Variants in NTSR1 observed in about 807,000 individuals in gnomAD.
NTSR1 encodes neurotensin receptor type 1.
A neutral mutation model predicts 31.2 loss-of-function variants in NTSR1; 29 were observed. The ratio of observed to expected loss-of-function variants is 0.93; its 90% confidence interval spans 0.69 to 1.27. NTSR1 has a LOEUF of 1.27. Among genes scored for constraint, NTSR1 ranks in the 50% most tolerant of loss-of-function variants. NTSR1 has a pLI of 0.00. For missense variants in NTSR1, 697 were observed against 595.4 expected (o/e 1.17, Z -1.78); for synonymous variants, 282 against 269.9 (o/e 1.04, Z -0.44).
At chr20:62,724,766 C>G (rs928250548) in intron 1 of NTSR1, among the ~76,000 whole-genome samples, 1 of 152,230 alleles carries the variant, frequency 6.6e-6, no homozygotes, top group Non-Finnish European at 1.5e-5. Flanking sequence ...CAGGCCCACA[C>G]TCCGCGGAGG....
intron 1 of NTSR1, among the ~76,000 whole-genome samples, chr20:62,747,254 C>T (rs6062528): frequency 6.6e-6 from 1 of 152,086 alleles, no homozygotes; most frequent in Non-Finnish European, 1.5e-5. Context: ...ATAAAGGCCA[C>T]GTATGACAGA....
rs904228109 is a variant in NTSR1, at chr20:62,733,758, G to C, written c.715-20927G>C. ...AGGAGAGAGAGACACAGAGAGAAAGGGAGGAACAGAGGAGAGAGAGGGGAG... is the reference window on the plus strand; with the variant it reads ...AGGAGAGAGAGACACAGAGAGAAAGCGAGGAACAGAGGAGAGAGAGGGGAG... On this transcript the variant is annotated intron_variant, in intron 1 of 3. Coordinates refer to ENST00000370501, the MANE Select transcript of NTSR1 (RefSeq NM_002531.3). This position sits in a 1 kb window ranked among gnomAD's most constrained non-coding sequence, Gnocchi z 5.2. Among the ~76,000 whole-genome samples, 1 of 151,768 alleles carries C rather than the reference G, an allele frequency of 6.6e-6. No homozygotes were observed. Among genetic ancestry groups the C allele is most frequent in the Non-Finnish European group, 1.5e-5 (1 of 67,908 alleles).
chr20:62,709,880 A>G lies in NTSR1; in HGVS notation c.673A>G (p.Thr225Ala). Reference protein sequence around the residue: ...DGQHAGGLVCTPTIHTATVKV... With the variant: ...DGQHAGGLVCAPTIHTATVKV... ...CCAGCACGCCGGCGGCCTGGTGTGC[A>G]CCCCCACCATCCACACTGCCACCGT... The change falls in exon 1 of 4, where the codon ACC becomes GCC. Residue 225 changes from threonine (T) to alanine (A), a missense_variant. Physicochemically the swap from Thr to Ala is moderately conservative, Grantham distance 58. Coordinates refer to ENST00000370501, the MANE Select transcript of NTSR1 (RefSeq NM_002531.3). The G allele has an allele frequency of 1.2e-6, 2 of 1,603,254 alleles. No individual in the cohort carries two copies. The highest frequency in any genetic ancestry group is 2.7e-5 in the African/African-American group (2 of 74,724).
chr20:62,713,706 G>C (rs1988660817), intron 1 of NTSR1, among the ~76,000 whole-genome samples: 1 of 152,248 alleles, frequency 6.6e-6, no homozygotes, highest in Non-Finnish European at 1.5e-5. Context: ...GAGACTGCTT[G>C]CGGGTCATGC....
At chr20:62,754,944 C>CT in intron 2 of NTSR1, 58 bp downstream of exon 2, 1 of 1,471,208 alleles carries the variant, frequency 6.8e-7, no homozygotes, top group South Asian at 1.3e-5. Flanking sequence ...GCAAAGGCAG[C>CT]GAGCGCTGAA....
At chr20:62,759,658 C>T (rs959735415) in intron 3 of NTSR1, among the ~76,000 whole-genome samples, 1 of 152,014 alleles carries the variant, frequency 6.6e-6, no homozygotes. Flanking sequence ...CCCTGTAGTC[C>T]CAGCTACTCG....
At position 62,743,289 on chromosome 20, in the gene NTSR1, C is replaced by A. The variant is rs1172735162; in HGVS notation, c.715-11396C>A. Among the ~76,000 whole-genome samples, 5 of 149,610 alleles carry A rather than the reference C, an allele frequency of 3.3e-5. No individual in the cohort carries two copies. The highest frequency in any genetic ancestry group is 7.4e-5 in the Non-Finnish European group (5 of 68,012). ...GTTCACCAATCATTGGGGTTTCGAA[C>A]AAGCCTGTGCTGACGGCCCTGGCAC... On this transcript the variant is annotated intron_variant, in intron 1 of 3. Transcript: ENST00000370501. The surrounding 1 kb of genome is among the most constrained non-coding windows in gnomAD (Gnocchi z 7.5).
chr20:62,730,505 G>A (rs1296921421), intron 1 of NTSR1, among the ~76,000 whole-genome samples: 3 of 152,132 alleles, frequency 2.0e-5, no homozygotes, highest in Non-Finnish European at 2.9e-5. Flanking sequence ...AGCTATTGAT[G>A]GACATCTTGG....
At chr20:62,719,123 C>A (rs1283060167) in intron 1 of NTSR1, among the ~76,000 whole-genome samples, 31 of 142,404 alleles carry the variant, frequency 2.2e-4, no homozygotes, top group South Asian at 2.2e-4. Context: ...TTTTTTCTTT[C>A]AAAAAAAAAA....
chr20:62,750,046 C>T (rs190347539), intron 1 of NTSR1, among the ~76,000 whole-genome samples: 1 of 152,320 alleles, frequency 6.6e-6, no homozygotes, highest in Admixed American at 6.5e-5. Flanking sequence ...ACGGAATCAA[C>T]CCAGGTGTCC....
chr20:62,752,899 C>T (rs1568710276), intron 1 of NTSR1, among the ~76,000 whole-genome samples: 1 of 151,986 alleles, frequency 6.6e-6, no homozygotes. Context: ...AGGAGGGACG[C>T]GGGACGGCCT....
chr20:62,723,060 T>C (rs895917949), intron 1 of NTSR1, among the ~76,000 whole-genome samples: 9 of 152,240 alleles, frequency 5.9e-5, no homozygotes, highest in African/African-American at 2.2e-4. Flanking sequence ...ACTTAAACAT[T>C]TTTAGCCTGT....
chr20:62,721,368 A>C (rs1277513506), intron 1 of NTSR1, among the ~76,000 whole-genome samples: 1 of 152,146 alleles, frequency 6.6e-6, no homozygotes, highest in African/African-American at 2.4e-5. Flanking sequence ...AGTTAGTCCC[A>C]TTTCCATGGT....
At chr20:62,721,474 C>T (rs948650775) in intron 1 of NTSR1, among the ~76,000 whole-genome samples, 26 of 152,304 alleles carry the variant, frequency 1.7e-4, no homozygotes, top group African/African-American at 5.5e-4. Context: ...AGAGGCAGCC[C>T]GCTTGGTCAG....
chr20:62,731,995 C>A (rs1259277717), intron 1 of NTSR1, among the ~76,000 whole-genome samples: 4 of 152,126 alleles, frequency 2.6e-5, no homozygotes, highest in African/African-American at 9.7e-5. Flanking sequence ...TGGCAGGTGC[C>A]TGAAATCCCA....
chr20:62,744,160 G>A lies in NTSR1; in HGVS notation c.715-10525G>A, dbSNP rs1989254811. ...GTGTCCCATCCCAGCCTCCCAAGCCGCAGTCCTGTGCCCCCCAATTTGCTT... is the reference window on the plus strand; with the variant it reads ...GTGTCCCATCCCAGCCTCCCAAGCCACAGTCCTGTGCCCCCCAATTTGCTT... On this transcript the variant is annotated intron_variant, in intron 1 of 3. Coordinates refer to ENST00000370501, the MANE Select transcript of NTSR1 (RefSeq NM_002531.3). The surrounding 1 kb of genome is among the most constrained non-coding windows in gnomAD (Gnocchi z 4.1). Among the ~76,000 whole-genome samples the A allele has an allele frequency of 6.6e-6, 1 of 152,148 alleles. No homozygotes were observed. Among genetic ancestry groups the A allele is most frequent in the African/African-American group, 2.4e-5 (1 of 41,428 alleles).
intron 1 of NTSR1, among the ~76,000 whole-genome samples, chr20:62,752,193 C>T (rs1029077829): frequency 3.3e-5 from 5 of 152,220 alleles, no homozygotes; most frequent in African/African-American, 1.2e-4. Flanking sequence ...CTCAGTCCTC[C>T]CCTCACCTCC....
In NTSR1 at chr20:62,723,041, A is replaced by G. The variant is rs116657103; in HGVS notation, c.714+13120A>G. Among the ~76,000 whole-genome samples the G allele has an allele frequency of 3.7e-3, 563 of 152,342 alleles. 3 individuals carry two copies. The highest frequency in any genetic ancestry group is 0.013 in the African/African-American group (546 of 41,576). On this transcript the variant is annotated intron_variant, in intron 1 of 3. Transcript: ENST00000370501. Reference sequence around the variant, plus strand: ...ACTGAAGCTTATGAAAAAGAGCAACATTATTTGGACTTAAACATTTTTAGC... The same window carrying G: ...ACTGAAGCTTATGAAAAAGAGCAACGTTATTTGGACTTAAACATTTTTAGC...
chr20:62,736,171 G>C (rs1255631543), intron 1 of NTSR1, among the ~76,000 whole-genome samples: 1 of 152,198 alleles, frequency 6.6e-6, no homozygotes, highest in East Asian at 1.9e-4. Context: ...CTGGAGCCTG[G>C]GGTGCCTCGG....
Sources: allele counts gnomAD v4.1 joint callset (sites outside exome capture counted in the v4.1 genomes callset), GRCh38; gene constraint gnomAD v4.1.1; non-coding constraint Gnocchi (gnomAD v3.1); transcripts MANE v1.5; gene names NCBI Gene and HGNC (gene_info 2026-07-23, HGNC 2026-07-21).